Variants in MOGAT1 observed in about 807,000 individuals in gnomAD.
MOGAT1 encodes the protein 2-acylglycerol O-acyltransferase 1.
A neutral mutation model predicts 31.4 loss-of-function variants in MOGAT1; 32 were observed. That is an observed-to-expected ratio of 1.02 (90% confidence interval 0.77 to 1.37). The LOEUF is 1.37. Among genes scored for constraint, MOGAT1 ranks in the 40% most tolerant of loss-of-function variants. MOGAT1 has a pLI of 0.00. For missense variants in MOGAT1, 426 were observed against 402.0 expected, an observed-to-expected ratio of 1.06 and a Z score of -0.51; for synonymous variants, 145 against 144.5, an observed-to-expected ratio of 1.00 and a Z score of -0.03.
chr2:222,702,149 A>G (rs1322953095), intron 5 of MOGAT1, among the ~76,000 whole-genome samples: 72 of 152,224 alleles, frequency 4.7e-4, no homozygotes, highest in Admixed American at 4.6e-3. Context: ...AAATAATCAG[A>G]CAAATCCAGA....
At chr2:222,677,700 C>T in intron 1 of MOGAT1, 1 of 421,522 alleles carries the variant, frequency 2.4e-6, no homozygotes. Flanking sequence ...AGCAGCCTTT[C>T]TTGTCTTTTT....
At chr2:222,695,850 T>G (rs910147955) in intron 5 of MOGAT1, among the ~76,000 whole-genome samples, 2 of 152,182 alleles carry the variant, frequency 1.3e-5, no homozygotes, top group African/African-American at 2.4e-5. Context: ...TCTGAGATTT[T>G]GGTGCACCCA....
At chr2:222,706,140 G>T (rs144805522) in intron 5 of MOGAT1, among the ~76,000 whole-genome samples, 60 of 152,284 alleles carry the variant, frequency 3.9e-4, no homozygotes, top group Non-Finnish European at 5.3e-4. Context: ...AGAAGATTAT[G>T]TCTATCTCAC....
Position 222,671,851 on chromosome 2 carries a change from G to A in MOGAT1, c.66G>A (p.Leu22=), listed in dbSNP as rs1354382947. The A allele has an allele frequency of 7.1e-6, 11 of 1,552,358 alleles. No homozygotes were observed. Among genetic ancestry groups the A allele is most frequent in the Admixed American group, 5.9e-5 (3 of 51,106 alleles). ...LARRLQTVAV[L]QWVLKYLLLG... is the part of the protein sequence containing the mutation. ...GGCGGCTGCAGACGGTGGCCGTGCT[G>A]CAGTGGGTCCTGAAATACCTGCTGC... Residue 22 remains leucine, a synonymous_variant, in exon 1 of 6, where the codon CTG becomes CTA. Transcript: ENST00000446656.
intron 5 of MOGAT1, among the ~76,000 whole-genome samples, chr2:222,702,830 A>T (rs1208118440): frequency 6.6e-6 from 1 of 151,878 alleles, no homozygotes; most frequent in East Asian, 1.9e-4. Flanking sequence ...TCTCAAAAAA[A>T]AAAACCACAA....
intron 5 of MOGAT1, among the ~76,000 whole-genome samples, chr2:222,701,764 C>G (rs960237440): frequency 6.6e-6 from 1 of 152,064 alleles, no homozygotes; most frequent in South Asian, 2.1e-4. Flanking sequence ...GATGCTCCAG[C>G]GCTGGCCACA....
At chr2:222,701,986 T>C (rs991192942) in intron 5 of MOGAT1, among the ~76,000 whole-genome samples, 3 of 152,196 alleles carry the variant, frequency 2.0e-5, no homozygotes, top group African/African-American at 7.2e-5. Context: ...TCATGATACA[T>C]GGGAAGGCAG....
At chr2:222,693,567 G>A (rs1224432284) in intron 3 of MOGAT1, among the ~76,000 whole-genome samples, 1 of 151,788 alleles carries the variant, frequency 6.6e-6, no homozygotes, top group South Asian at 2.1e-4. Flanking sequence ...TACATGGCTG[G>A]GGAGGCCTCA....
chr2:222,704,896 C>T (rs1373209301), intron 5 of MOGAT1, among the ~76,000 whole-genome samples: 1 of 152,018 alleles, frequency 6.6e-6, no homozygotes, highest in Non-Finnish European at 1.5e-5. Flanking sequence ...GATAGTGTTA[C>T]AGGAGAGGGG....
chr2:222,695,020 A>G lies in MOGAT1; in HGVS notation c.654-69A>G. The G allele has an allele frequency of 3.2e-6, 4 of 1,269,446 alleles. No individual in the cohort carries two copies. The East Asian group carries it at 1.0e-4, about 32-fold the overall frequency. The allele number at this position is 1,269,446 out of a possible 1,614,324, so 78.6% of individuals were successfully genotyped here. On this transcript the variant is annotated intron_variant, in intron 4 of 5. Coordinates refer to ENST00000446656, the MANE Select transcript of MOGAT1 (RefSeq NM_058165.3). ...TTTTTCAGAAGTTGTTGCAAGAGTCAGCTAAACAGAATAAATTATTTGAAT... is the reference window on the plus strand; with the variant it reads ...TTTTTCAGAAGTTGTTGCAAGAGTCGGCTAAACAGAATAAATTATTTGAAT...
chr2:222,673,235 T>A (rs1005540281), intron 1 of MOGAT1, among the ~76,000 whole-genome samples: 8 of 148,998 alleles, frequency 5.4e-5, no homozygotes, highest in Non-Finnish European at 1.2e-4. Flanking sequence ...TTCTAAGTCA[T>A]TTGTTTCAGA....
At chr2:222,689,194 C>A in intron 2 of MOGAT1, 71 bp from the exon 3 acceptor site, 1 of 1,323,282 alleles carries the variant, frequency 7.6e-7, no homozygotes, top group Non-Finnish European at 1.0e-6. Flanking sequence ...AAAACTAGTC[C>A]TTTTGTTTCT....
At chr2:222,686,508 G>T (rs1309876659) in intron 1 of MOGAT1, among the ~76,000 whole-genome samples, 1 of 152,134 alleles carries the variant, frequency 6.6e-6, no homozygotes, top group African/African-American at 2.4e-5. Context: ...AAAATAAACA[G>T]AAAACTAACC....
chr2:222,684,784 C>A (rs1299286495), intron 1 of MOGAT1, among the ~76,000 whole-genome samples: 1 of 152,030 alleles, frequency 6.6e-6, no homozygotes, highest in East Asian at 1.9e-4. Context: ...ACCATGTTGG[C>A]CAGGCTGGTC....
chr2:222,674,646 G>A (rs75096584), intron 1 of MOGAT1, among the ~76,000 whole-genome samples: 9,178 of 151,956 alleles, frequency 0.06, 588 homozygotes, highest in African/African-American at 0.16. Context: ...TGTTTCCTTC[G>A]TGTCTAGTGA....
At chr2:222,706,717 A>G (rs1693008465) in intron 5 of MOGAT1, among the ~76,000 whole-genome samples, 1 of 152,120 alleles carries the variant, frequency 6.6e-6, no homozygotes, top group African/African-American at 2.4e-5. Flanking sequence ...TACCCTGAAT[A>G]GTTACATTAA....
At chr2:222,671,976 G>C (rs1692425837) in intron 1 of MOGAT1, 97 bp downstream of exon 1, 5 of 1,012,886 alleles carry the variant, frequency 4.9e-6, no homozygotes, top group Non-Finnish European at 7.4e-6. Flanking sequence ...TCCAACCCTC[G>C]TTCCCCTGTC....
At chr2:222,680,083 A>G (rs1438987224) in intron 1 of MOGAT1, among the ~76,000 whole-genome samples, 1 of 152,194 alleles carries the variant, frequency 6.6e-6, no homozygotes, top group Non-Finnish European at 1.5e-5. Flanking sequence ...AGTGAATAAA[A>G]GTCAATTAGC....
Position 222,709,778 on chromosome 2 carries a change from A to T in MOGAT1, c.896A>T (p.Gln299Leu), listed in dbSNP as rs1693086340. The stretch of plus-strand genomic sequence containing the variant: ...GTTCGTCAGACTCTGAACCCGACCC[A>T]GGAGCAGATTGAGGAGTTACATCAG... Reference protein sequence around the residue: ...IPVRQTLNPTQEQIEELHQTY... With the variant: ...IPVRQTLNPTLEQIEELHQTY... The change falls in exon 6 of 6, where the codon CAG becomes CTG. Residue 299 changes from glutamine (Q) to leucine (L), a missense_variant. Transcript: ENST00000446656. The T allele has an allele frequency of 6.2e-7, 1 of 1,613,472 alleles. No individual in the cohort carries two copies. Among genetic ancestry groups the T allele is most frequent in the African/African-American group, 1.3e-5 (1 of 74,890 alleles).
Sources: gnomAD v4.1 joint callset for allele counts (sites outside exome capture counted in the v4.1 genomes callset) on GRCh38, gnomAD v4.1.1 for gene constraint, MANE v1.5 for transcripts, NCBI Gene and HGNC (gene_info 2026-07-23, HGNC 2026-07-21) for gene names.